Variants in TMEM135 observed in about 807,000 individuals in gnomAD.
TMEM135 encodes the protein peroxisomal membrane protein 52.
Under a neutral mutation model 60.3 loss-of-function variants are expected in TMEM135, and 30 were observed. That is an observed-to-expected ratio of 0.50 (90% CI 0.37 to 0.68). The LOEUF is 0.68. Ranked by LOEUF, TMEM135 falls within the 30% of genes least tolerant of loss-of-function variation. The probability of loss-of-function intolerance (pLI) is 0.00; values close to 1 mark genes in which losing one functional copy is unlikely to be tolerated. For synonymous variants in TMEM135, 190 were observed against 186.7 expected (o/e 1.02, Z -0.14); for missense variants, 468 against 548.8 (o/e 0.85, Z 1.47).
intron 1 of TMEM135, 68 bp downstream of exon 1, chr11:87,038,254 G>A: frequency 6.2e-7 from 1 of 1,602,250 alleles, no homozygotes; most frequent in Non-Finnish European, 8.5e-7. Flanking sequence ...TGCAGTTGGT[G>A]CTCCCGAGGG....
At chr11:87,299,903 A>G (rs954128660) in intron 7 of TMEM135, among the ~76,000 whole-genome samples, 1 of 152,264 alleles carries the variant, frequency 6.6e-6, no homozygotes, top group Non-Finnish European at 1.5e-5. Flanking sequence ...TAAGTGTTCT[A>G]TAATTCACAA....
chr11:87,210,071 A>G (rs747676583), intron 5 of TMEM135, among the ~76,000 whole-genome samples: 10 of 152,304 alleles, frequency 6.6e-5, no homozygotes, highest in African/African-American at 2.4e-4. Flanking sequence ...ACAAGAAAGT[A>G]GAAAGATCTC....
intron 5 of TMEM135, among the ~76,000 whole-genome samples, chr11:87,229,905 CT>C (rs1050003963): frequency 3.9e-5 from 6 of 151,954 alleles, no homozygotes; most frequent in African/African-American, 1.4e-4. Flanking sequence ...ACATGCATTA[CT>C]TTTTTTGTAT....
intron 5 of TMEM135, among the ~76,000 whole-genome samples, chr11:87,172,582 A>T (rs922718042): frequency 4.0e-5 from 6 of 151,724 alleles, no homozygotes; most frequent in Non-Finnish European, 5.9e-5. Context: ...GAGAGTAGGG[A>T]CTCTTTGTTA....
intron 3 of TMEM135, among the ~76,000 whole-genome samples, chr11:87,074,438 T>C (rs1360712313): frequency 6.6e-6 from 1 of 152,166 alleles, no homozygotes; most frequent in Non-Finnish European, 1.5e-5. Context: ...ACTGTGTATA[T>C]TGGTTTTGAA....
chr11:87,288,591 A>G (rs1315972426), intron 6 of TMEM135, among the ~76,000 whole-genome samples: 1 of 152,236 alleles, frequency 6.6e-6, no homozygotes, highest in Non-Finnish European at 1.5e-5. Context: ...TAAAGCTACC[A>G]TTAACTAAAA....
chr11:87,327,660 A>G lies in TMEM135; in HGVS notation c.*6327A>G. On this transcript the variant is annotated 3_prime_UTR_variant, in exon 15 of 15. Transcript: ENST00000305494. Reference sequence around the variant, plus strand: ...CCATTCATAACCTGGAGACCTTGGGATGCTGGTGGTCTGGCTCAGTACAAG... The same window carrying G: ...CCATTCATAACCTGGAGACCTTGGGGTGCTGGTGGTCTGGCTCAGTACAAG... 6.6e-6 allele frequency: 3 copies of G among 453,992 alleles called. No individual in the cohort carries two copies. The highest frequency in any genetic ancestry group is 1.3e-5 in the Non-Finnish European group (3 of 226,770). The allele number at this position is 453,992 out of a possible 1,614,324, so 28.1% of individuals were successfully genotyped here.
chr11:87,316,012 A>T (rs1372001770), intron 12 of TMEM135, among the ~76,000 whole-genome samples: 2 of 152,024 alleles, frequency 1.3e-5, no homozygotes, highest in Admixed American at 1.3e-4. Flanking sequence ...TCAGATGTAG[A>T]ATCAGTCTTC....
rs1009102507 is a variant in TMEM135, at chr11:87,322,214, G to C, written c.*881G>C. 1 of 454,338 alleles carries C rather than the reference G, an allele frequency of 2.2e-6. No homozygotes were observed. The highest frequency in any genetic ancestry group is 2.4e-5 in the Admixed American group (1 of 42,542). 28.1% of individuals were successfully genotyped at this position (454,338 alleles called of 1,614,324 possible). On this transcript the variant is annotated 3_prime_UTR_variant, in exon 15 of 15. Transcript: ENST00000305494. ...ATAGCTCAGTTTATATGCCATTGTT[G>C]TATTAGAAGGGATCAAAATCCTATG...
At chr11:87,047,715 C>A (rs1268380731) in intron 1 of TMEM135, among the ~76,000 whole-genome samples, 3 of 122,470 alleles carry the variant, frequency 2.4e-5, no homozygotes, top group Non-Finnish European at 3.4e-5. Context: ...GATCAAACTG[C>A]AAGGCGGCAA....
intron 1 of TMEM135, among the ~76,000 whole-genome samples, chr11:87,067,263 T>G (rs998084974): frequency 6.7e-6 from 1 of 150,030 alleles, no homozygotes; most frequent in Non-Finnish European, 1.5e-5. Context: ...GAAGTCAAGT[T>G]TGAATAACTG....
intron 5 of TMEM135, among the ~76,000 whole-genome samples, chr11:87,187,375 C>T (rs1177941633): frequency 6.6e-6 from 1 of 152,132 alleles, no homozygotes; most frequent in Non-Finnish European, 1.5e-5. Flanking sequence ...GAGATGAAAA[C>T]AGGGAATGGA....
In TMEM135 at chr11:87,142,790, C is replaced by G. The variant is rs527554880; in HGVS notation, c.397-14551C>G. ...ATTTCCCTTTCTTTTTCCTCTTTCT[C>G]CTCCTTTTACTTTTCCTTCTGCTCC... is the stretch of plus-strand genomic sequence containing the variant. On this transcript the variant is annotated intron_variant, in intron 4 of 14. Coordinates refer to ENST00000305494, the MANE Select transcript of TMEM135 (RefSeq NM_022918.4). Among the ~76,000 whole-genome samples the G allele has an allele frequency of 5.3e-5, 8 of 150,292 alleles. No homozygotes were observed. In the East Asian group the frequency reaches 1.6e-3, roughly 30 times the overall value.
At chr11:87,264,134 T>A (rs1384251447) in intron 6 of TMEM135, among the ~76,000 whole-genome samples, 1 of 151,916 alleles carries the variant, frequency 6.6e-6, no homozygotes, top group African/African-American at 2.4e-5. Flanking sequence ...TATTTCTAAT[T>A]AGTGCTGTTA....
chr11:87,175,547 C>G (rs1461581524), intron 5 of TMEM135, among the ~76,000 whole-genome samples: 1 of 152,152 alleles, frequency 6.6e-6, no homozygotes, highest in Non-Finnish European at 1.5e-5. Context: ...AGTCACTCTG[C>G]TTTTGATTTA....
intron 5 of TMEM135, among the ~76,000 whole-genome samples, chr11:87,230,866 T>A (rs1305710618): frequency 6.6e-6 from 1 of 151,886 alleles, no homozygotes. Flanking sequence ...TTAATTAAAA[T>A]TAAATTAATT....
At chr11:87,198,220 T>C (rs931813744) in intron 5 of TMEM135, among the ~76,000 whole-genome samples, 2 of 152,224 alleles carry the variant, frequency 1.3e-5, no homozygotes, top group African/African-American at 4.8e-5. Context: ...TAAAGTTTTT[T>C]AGTTCCCATA....
intron 6 of TMEM135, among the ~76,000 whole-genome samples, chr11:87,276,360 C>T (rs965630606): frequency 6.6e-6 from 1 of 152,028 alleles, no homozygotes; most frequent in African/African-American, 2.4e-5. Flanking sequence ...AAGTACTTAA[C>T]CAAAACTGGC....
At chr11:87,110,698 T>C (rs908503354) in intron 4 of TMEM135, among the ~76,000 whole-genome samples, 1 of 152,188 alleles carries the variant, frequency 6.6e-6, no homozygotes, top group African/African-American at 2.4e-5. Flanking sequence ...GAAATGTTTT[T>C]TTCGTAACAT....
Sources: gnomAD v4.1 joint callset for allele counts (sites outside exome capture counted in the v4.1 genomes callset) on GRCh38, gnomAD v4.1.1 for gene constraint, MANE v1.5 for transcripts, NCBI Gene and HGNC (gene_info 2026-07-23, HGNC 2026-07-21) for gene names.